Variants in FUCA1 observed in about 807,000 individuals in gnomAD.
The protein encoded by FUCA1 is tissue alpha-L-fucosidase.
In FUCA1, 52 loss-of-function variants were observed where a neutral mutation model predicts 56.8. The ratio of observed to expected loss-of-function variants is 0.92; its 90% CI spans 0.73 to 1.15. The LOEUF (loss-of-function observed/expected upper bound fraction) is 1.15. Ranked by LOEUF, FUCA1 falls within the 50% of genes most tolerant of loss-of-function variation. FUCA1 has a pLI of 0.00. For synonymous variants in FUCA1, 230 were observed against 226.6 expected, an observed-to-expected ratio of 1.02 and a Z score of -0.14; for missense variants, 568 against 592.6, an observed-to-expected ratio of 0.96 and a Z score of 0.43.
In FUCA1 at chr1:23,867,799, G is replaced by A; in HGVS notation, c.389+99C>T. The A allele has an allele frequency of 1.4e-6, 2 of 1,444,118 alleles. No homozygotes were observed. The highest frequency in any genetic ancestry group is 1.5e-5 in the South Asian group (1 of 68,642). The allele number at this position is 1,444,118 out of a possible 1,614,324, so 89.5% of individuals were successfully genotyped here. On this transcript the variant is annotated intron_variant, in intron 1 of 7. Transcript: ENST00000374479. The surrounding 1 kb of genome is among the most constrained non-coding windows in gnomAD (Gnocchi z 4.9). ...CCACACGCGGGCCCCGGGGTCATGG[G>A]GGCGACCGGCAGCTGCGCGCCCCAG...
intron 5 of FUCA1, among the ~76,000 whole-genome samples, chr1:23,849,797 G>A (rs185634029): frequency 7.7e-4 from 117 of 151,614 alleles, no homozygotes; most frequent in Middle Eastern, 6.8e-3. Context: ...TGGCCAGGCT[G>A]GTCTTGAACT....
Position 23,845,148 on chromosome 1 carries a change from ACATT to A in FUCA1, c.*563_*566del, listed in dbSNP as rs1222214945. The A allele has an allele frequency of 6.2e-6, 1 of 161,172 alleles. No homozygotes were observed. The highest frequency in any genetic ancestry group is 2.4e-5 in the African/African-American group (1 of 41,488). 10.0% of individuals were successfully genotyped at this position (161,172 alleles called of 1,614,324 possible). On this transcript the variant is annotated 3_prime_UTR_variant, in exon 8 of 8. Transcript: ENST00000374479. ...ATACTTAAAAAGACAGAGCAGAATC[ACATT>A]CATTTTCTTAATAGTATCACTGTAA...
At position 23,868,213 on chromosome 1, in the gene FUCA1, G is replaced by T; in HGVS notation, c.74C>A (p.Ala25Asp). 2 of 1,590,168 alleles carry T rather than the reference G, an allele frequency of 1.3e-6. No individual in the cohort carries two copies. Among genetic ancestry groups the T allele is most frequent in the South Asian group, 2.3e-5 (2 of 88,598 alleles). ...LLLLLLFLGA[A>D]ESVRRAQPPR... ...AGGCTGGGCCCGACGCACCGACTCGGCCGCTCCGAGGAAGAGCAGCAGCAG... is the reference window on the plus strand; with the variant it reads ...AGGCTGGGCCCGACGCACCGACTCGTCCGCTCCGAGGAAGAGCAGCAGCAG... Residue 25 changes from alanine (A) to aspartate (D), a missense_variant, in exon 1 of 8, where the codon GCC becomes GAC. Ala to Asp is a moderately radical substitution (Grantham distance 126). Transcript: ENST00000374479.
chr1:23,849,910 T>C (rs1639222707), intron 5 of FUCA1, among the ~76,000 whole-genome samples: 1 of 151,716 alleles, frequency 6.6e-6, no homozygotes, highest in Admixed American at 6.6e-5. Flanking sequence ...ACTTCTGGAG[T>C]GGGATTTGGG....
In FUCA1 at chr1:23,845,493, C is replaced by A; in HGVS notation, c.*222G>T. 1.7e-6 allele frequency: 1 copy of A among 591,706 alleles called. No homozygotes were observed. 36.7% of individuals were successfully genotyped at this position (591,706 alleles called of 1,614,324 possible). A position where few individuals can be genotyped will look rare whatever the true frequency, so the allele number is the denominator to read the frequency against. Reference sequence around the variant, plus strand: ...AACTCAGAGTTCAACTGCTCAGTTCCTTCTTCTGCTGACCTGATACAGATA... The same window carrying A: ...AACTCAGAGTTCAACTGCTCAGTTCATTCTTCTGCTGACCTGATACAGATA... On this transcript the variant is annotated 3_prime_UTR_variant, in exon 8 of 8. Transcript: ENST00000374479.
In FUCA1 at chr1:23,845,662, A is replaced by C; in HGVS notation, c.*53T>G. 1.2e-6 allele frequency: 2 copies of C among 1,611,664 alleles called. No homozygotes were observed. Among genetic ancestry groups the C allele is most frequent in the Non-Finnish European group, 1.7e-6 (2 of 1,177,782 alleles). Reference sequence around the variant, plus strand: ...TATAGTGATGGTACTATAAGAGAAAAACTGAAGCAGGAAAACAGTGAGCAG... The same window carrying C: ...TATAGTGATGGTACTATAAGAGAAACACTGAAGCAGGAAAACAGTGAGCAG... On this transcript the variant is annotated 3_prime_UTR_variant, in exon 8 of 8. Transcript: ENST00000374479.
In FUCA1 at chr1:23,859,827, A is replaced by G; in HGVS notation, c.739T>C (p.Ser247Pro). The stretch of plus-strand genomic sequence containing the variant: ...ACAGGGCTGTCATTGTAGAGCCATG[A>G]AAGAAAATTTGTGGAGTTCCAGTAA... ...DTYWNSTNFL[S>P]WLYNDSPVKD... Residue 247 changes from serine to proline, a missense_variant, in exon 4 of 8, where the codon TCA becomes CCA. Coordinates refer to ENST00000374479, the MANE Select transcript of FUCA1 (RefSeq NM_000147.5). The G allele has an allele frequency of 6.2e-7, 1 of 1,612,250 alleles. No individual in the cohort carries two copies. Among genetic ancestry groups the G allele is most frequent in the Non-Finnish European group, 8.5e-7 (1 of 1,178,322 alleles).
At chr1:23,851,383 CACATACATACAT>C (rs35768557) in intron 5 of FUCA1, among the ~76,000 whole-genome samples, 116 of 147,086 alleles carry the variant, frequency 7.9e-4, no homozygotes, top group East Asian at 1.2e-3. Context: ...AATAAATATA[CACATACATACAT>C]ACATACATAC....
rs1182647978 is a variant in FUCA1 at position 23,859,916 on chromosome 1, T to G, written c.663-13A>C. 1.3e-6 allele frequency: 2 copies of G among 1,525,734 alleles called. No homozygotes were observed. Among genetic ancestry groups the G allele is most frequent in the Non-Finnish European group, 1.8e-6 (2 of 1,099,782 alleles). The allele number at this position is 1,525,734 out of a possible 1,614,324, so 94.5% of individuals were successfully genotyped here. A position where few individuals can be genotyped will look rare whatever the true frequency, so the allele number is the denominator to read the frequency against. Reference sequence around the variant, plus strand: ...ATCAGGTTTATAGCTGGAAGACATGTGATCAGGACAGAGCTTATTATCTGA... The same window carrying G: ...ATCAGGTTTATAGCTGGAAGACATGGGATCAGGACAGAGCTTATTATCTGA... On this transcript the variant is annotated splice_polypyrimidine_tract_variant and intron_variant, in intron 3 of 7. Transcript: ENST00000374479.
intron 4 of FUCA1, among the ~76,000 whole-genome samples, 188 bp downstream of exon 4, chr1:23,859,610 T>C (rs1348586641): frequency 6.6e-6 from 1 of 151,660 alleles, no homozygotes; most frequent in African/African-American, 2.4e-5. Context: ...AGAAAACTTA[T>C]ACTCTAAGGG....
intron 2 of FUCA1, 44 bp from the exon 3 acceptor site, chr1:23,863,315 C>T (rs1000868644): frequency 1.9e-6 from 3 of 1,596,034 alleles, no homozygotes; most frequent in East Asian, 2.2e-5. Flanking sequence ...AAGCATAGAA[C>T]AAATAATTTA....
rs1372022033 is a variant in FUCA1, at chr1:23,854,579, T to C, written c.769-19A>G. The C allele has an allele frequency of 1.2e-6, 2 of 1,603,370 alleles. No homozygotes were observed. The highest frequency in any genetic ancestry group is 1.7e-6 in the Non-Finnish European group (2 of 1,170,402). On this transcript the variant is annotated intron_variant, in intron 4 of 7. Coordinates refer to ENST00000374479, the MANE Select transcript of FUCA1 (RefSeq NM_000147.5). ...CCTCATCCTAAGGAGGGAAAGAATATTTGGTCATGAGGAGTAAAACCACTT... is the reference window on the plus strand; with the variant it reads ...CCTCATCCTAAGGAGGGAAAGAATACTTGGTCATGAGGAGTAAAACCACTT...
Position 23,867,747 on chromosome 1 carries a change from CAGGCTCACTCCTGTGGCCGCAGG to C in FUCA1, c.389+128_389+150del. ...ACCTCCTCCTCCTCATCAGGTGTGC[CAGGCTCACTCCTGTGGCCGCAGG>C]AGGCCACACGCGGGCCCCGGGGTCA... On this transcript the variant is annotated intron_variant, in intron 1 of 7. Transcript: ENST00000374479. The surrounding 1 kb of genome is among the most constrained non-coding windows in gnomAD (Gnocchi z 4.9). 7.0e-7 allele frequency: 1 copy of C among 1,420,498 alleles called. No homozygotes were observed. Among genetic ancestry groups the C allele is most frequent in the South Asian group, 1.5e-5 (1 of 65,560 alleles). The allele number at this position is 1,420,498 out of a possible 1,614,324, so 88.0% of individuals were successfully genotyped here.
At chr1:23,848,280 G>A (rs968355807) in intron 6 of FUCA1, among the ~76,000 whole-genome samples, 44 of 152,040 alleles carry the variant, frequency 2.9e-4, no homozygotes, top group Non-Finnish European at 3.4e-4. Flanking sequence ...TGGAAAAAAT[G>A]GGGCCCAAGA....
chr1:23,846,026 A>C, intron 7 of FUCA1, 48 bp downstream of exon 7: 1 of 1,531,130 alleles, frequency 6.5e-7, no homozygotes, highest in Non-Finnish European at 9.1e-7. Context: ...AGGATCTGCC[A>C]ATTCCTTTAC....
chr1:23,853,853 T>C (rs1006988702), intron 5 of FUCA1, among the ~76,000 whole-genome samples: 3 of 151,760 alleles, frequency 2.0e-5, no homozygotes, highest in African/African-American at 4.8e-5. Flanking sequence ...GTTAAACAGA[T>C]GCTTGAAGGC....
intron 6 of FUCA1, among the ~76,000 whole-genome samples, chr1:23,846,571 C>T (rs563275104): frequency 1.5e-4 from 22 of 149,964 alleles, no homozygotes; most frequent in Non-Finnish European, 2.4e-4. Context: ...GCACTCAGCT[C>T]CTTATTTATT....
intron 6 of FUCA1, 41 bp from the exon 7 acceptor site, chr1:23,846,214 G>T (rs1253891401): frequency 1.6e-6 from 2 of 1,234,298 alleles, no homozygotes; most frequent in Non-Finnish European, 1.2e-6. Flanking sequence ...TACCTGACTT[G>T]TTATCCTGAT....
intron 4 of FUCA1, among the ~76,000 whole-genome samples, chr1:23,855,814 A>G (rs1226053997): frequency 2.6e-5 from 4 of 152,202 alleles, no homozygotes; most frequent in African/African-American, 7.2e-5. Context: ...TGGGGTATTA[A>G]CAATCCTAAT....
Sources: allele counts gnomAD v4.1 joint callset (sites outside exome capture counted in the v4.1 genomes callset), GRCh38; gene constraint gnomAD v4.1.1; non-coding constraint Gnocchi (gnomAD v3.1); transcripts MANE v1.5; gene names NCBI Gene and HGNC (gene_info 2026-07-23, HGNC 2026-07-21).